STIP1: variants seen among roughly 807,000 people sequenced by gnomAD.
STIP1 encodes the protein stress-induced-phosphoprotein 1.
In STIP1, 16 loss-of-function variants were observed where a neutral mutation model predicts 77.4. The ratio of observed to expected loss-of-function variants is 0.21; its 90% CI spans 0.14 to 0.31. The LOEUF (loss-of-function observed/expected upper bound fraction) is 0.31. Ranked by LOEUF, STIP1 falls within the 10% of genes least tolerant of loss-of-function variation. STIP1 has a pLI of 1.00. For missense variants in STIP1, 524 were observed against 684.8 expected (o/e 0.77, Z 2.62); for synonymous variants, 258 against 246.6 (o/e 1.05, Z -0.44).
chr11:64,198,925 T>C (rs1375215405), intron 8 of STIP1, among the ~76,000 whole-genome samples: 3 of 149,776 alleles, frequency 2.0e-5, no homozygotes. Flanking sequence ...AATAGCCGGG[T>C]GCAGTGGCTC....
intron 1 of STIP1, among the ~76,000 whole-genome samples, chr11:64,188,541 C>T (rs894425694): frequency 8.5e-5 from 13 of 152,102 alleles, no homozygotes; most frequent in African/African-American, 3.1e-4. Flanking sequence ...CCACAACTGG[C>T]TAATTTTAAC....
intron 1 of STIP1, chr11:64,186,556 A>C: frequency 6.2e-6 from 1 of 160,286 alleles, no homozygotes; most frequent in Non-Finnish European, 1.2e-5. Context: ...AGGGGTCGCG[A>C]CCGGGCCCTG....
chr11:64,198,062 CT>C (rs35235491), intron 8 of STIP1, 88 bp downstream of exon 8: 70,948 of 1,259,356 alleles, frequency 0.056, no homozygotes, highest in South Asian at 0.09. Flanking sequence ...ATGAACTTGA[CT>C]TTTTTTTTTT....
At position 64,195,636 on chromosome 11, in the gene STIP1, C is replaced by G; in HGVS notation, c.504-9C>G. ...ACAATTTTTCTTTATTTTTTTAAATCAATACTAGGAAACTACAAGATCCCC... is the reference window on the plus strand; with the variant it reads ...ACAATTTTTCTTTATTTTTTTAAATGAATACTAGGAAACTACAAGATCCCC... On this transcript the variant is annotated splice_polypyrimidine_tract_variant and intron_variant, in intron 4 of 13. Transcript: ENST00000305218. The G allele has an allele frequency of 1.9e-6, 3 of 1,576,506 alleles. No individual in the cohort carries two copies. The highest frequency in any genetic ancestry group is 2.6e-6 in the Non-Finnish European group (3 of 1,165,468).
In STIP1 at chr11:64,202,861, G is replaced by C; in HGVS notation, c.1246-15G>C. On this transcript the variant is annotated splice_polypyrimidine_tract_variant and intron_variant, in intron 10 of 13. Transcript: ENST00000305218. ...AAGGGAATGAGCCTAATTTCTTTCT[G>C]TTGCTTCATTCTAGGACTGTGAGGA... is the stretch of plus-strand genomic sequence containing the variant. 6.2e-7 allele frequency: 1 copy of C among 1,614,144 alleles called. No individual in the cohort carries two copies. The highest frequency in any genetic ancestry group is 1.3e-5 in the African/African-American group (1 of 75,046).
intron 8 of STIP1, 47 bp from the exon 9 acceptor site, chr11:64,199,893 A>G: frequency 6.2e-7 from 1 of 1,607,444 alleles, no homozygotes; most frequent in South Asian, 1.1e-5. Flanking sequence ...CAATATTTAG[A>G]TGATTATGAG....
chr11:64,204,024 C>G (rs769804757), intron 13 of STIP1, 30 bp from the exon 14 acceptor site: 1 of 1,612,214 alleles, frequency 6.2e-7, no homozygotes. Flanking sequence ...AAGGTTGTCT[C>G]ATTTCAAGTA....
At chr11:64,187,019 C>T (rs1233874918) in intron 1 of STIP1, among the ~76,000 whole-genome samples, 1 of 152,040 alleles carries the variant, frequency 6.6e-6, no homozygotes, top group Non-Finnish European at 1.5e-5. Context: ...GTCGAGTGAC[C>T]GAGGACCAAC....
At chr11:64,203,769 G>A (rs1044274043) in intron 13 of STIP1, 147 bp downstream of exon 13, 38 of 1,114,176 alleles carry the variant, frequency 3.4e-5, no homozygotes, top group Non-Finnish European at 4.6e-5. Flanking sequence ...GGCAGTGGGT[G>A]GCGAGCTGGA....
At chr11:64,197,468 C>G in intron 6 of STIP1, 25 bp from the exon 7 acceptor site, 1 of 1,614,074 alleles carries the variant, frequency 6.2e-7, no homozygotes, top group Non-Finnish European at 8.5e-7. Context: ...ACTGACTGTT[C>G]CTTCTTAACC....
At chr11:64,197,736 CAA>C in intron 7 of STIP1, 116 bp from the exon 8 acceptor site, 19 of 1,551,174 alleles carry the variant, frequency 1.2e-5, no homozygotes, top group Non-Finnish European at 1.7e-5. Flanking sequence ...TCACCAGAGA[CAA>C]GACAAAAGGT....
intron 4 of STIP1, 145 bp from the exon 5 acceptor site, chr11:64,195,500 T>C (rs1367000757): frequency 1.4e-5 from 10 of 734,176 alleles, no homozygotes; most frequent in East Asian, 2.7e-5. Flanking sequence ...TTGTAACTCA[T>C]GAGTGGTGCA....
chr11:64,191,306 C>A (rs1946090087), intron 1 of STIP1, among the ~76,000 whole-genome samples: 1 of 151,334 alleles, frequency 6.6e-6, no homozygotes, highest in Middle Eastern at 3.4e-3. Flanking sequence ...GAGATGCCAT[C>A]TTTAAAAAAA....
chr11:64,204,148 C>A lies in STIP1; in HGVS notation c.*22C>A. On this transcript the variant is annotated 3_prime_UTR_variant, in exon 14 of 14. Transcript: ENST00000305218. ...GTGATGACTTGTTCATCCCCCCTTC[C>A]CTTCGCCCTCATGTGGAAAGAGGAG... The A allele has an allele frequency of 6.2e-7, 1 of 1,613,890 alleles. No individual in the cohort carries two copies. Among genetic ancestry groups the A allele is most frequent in the South Asian group, 1.1e-5 (1 of 91,052 alleles).
At chr11:64,186,618 C>A in intron 1 of STIP1, 1 of 77,802 alleles carries the variant, frequency 1.3e-5, no homozygotes, top group Non-Finnish European at 2.5e-5. Context: ...GTGCGGGCCG[C>A]AGGGGGCGGG....
At chr11:64,196,001 AT>A in intron 5 of STIP1, 188 bp downstream of exon 5, 1 of 757,928 alleles carries the variant, frequency 1.3e-6, no homozygotes, top group Non-Finnish European at 2.1e-6. Flanking sequence ...TTCAGCTAGG[AT>A]TACAGTCACG....
chr11:64,194,762 C>T (rs916311205), intron 4 of STIP1, 142 bp downstream of exon 4: 7 of 1,067,404 alleles, frequency 6.6e-6, no homozygotes, highest in African/African-American at 3.2e-5. Context: ...AGGTGGTGGT[C>T]GTTTATTTGT....
At chr11:64,189,989 A>G (rs1946073393) in intron 1 of STIP1, among the ~76,000 whole-genome samples, 1 of 149,678 alleles carries the variant, frequency 6.7e-6, no homozygotes, top group Non-Finnish European at 1.5e-5. Context: ...TGAGGATTCC[A>G]AAATCATTTC....
At chr11:64,193,987 G>T (rs1298446919) in intron 2 of STIP1, among the ~76,000 whole-genome samples, 1 of 152,204 alleles carries the variant, frequency 6.6e-6, no homozygotes, top group Non-Finnish European at 1.5e-5. Flanking sequence ...AACAAGGCGG[G>T]GCGGATGTGC....
Sources: allele counts gnomAD v4.1 joint callset (sites outside exome capture counted in the v4.1 genomes callset), GRCh38; gene constraint gnomAD v4.1.1; transcripts MANE v1.5; gene names NCBI Gene and HGNC (gene_info 2026-07-23, HGNC 2026-07-21).